GPN3: variants seen among roughly 807,000 people sequenced by gnomAD.
GPN3 encodes ATP-binding domain 1 family member C.
Under a neutral mutation model 38.7 loss-of-function variants are expected in GPN3, and 31 were observed. The observed-to-expected ratio is 0.80, with a 90% CI of 0.60 to 1.08. GPN3 has a LOEUF of 1.08. Among genes scored for constraint, GPN3 ranks in the 50% least tolerant of loss-of-function variants. The pLI is 0.00. For synonymous variants in GPN3, 116 were observed against 120.2 expected, an observed-to-expected ratio of 0.96 and a Z score of 0.23; for missense variants, 301 against 354.4, an observed-to-expected ratio of 0.85 and a Z score of 1.21.
chr12:110,461,112 C>G (rs769217797), intron 2 of GPN3: 108 of 1,355,028 alleles, frequency 8.0e-5, no homozygotes, highest in Non-Finnish European at 1.1e-4. Context: ...AAGAAGCGTG[C>G]CCCTCAGGCA....
At chr12:110,459,583 G>T in intron 3 of GPN3, 112 bp downstream of exon 3, 4 of 770,000 alleles carry the variant, frequency 5.2e-6, no homozygotes, top group Non-Finnish European at 8.9e-6. Context: ...AATAAGCTTG[G>T]TACTTTACTG....
At chr12:110,464,577 GAAGTGTCCATTTACTTTTT>G (rs1291090478) in intron 2 of GPN3, among the ~76,000 whole-genome samples, 6 of 151,382 alleles carry the variant, frequency 4.0e-5, no homozygotes, top group African/African-American at 7.3e-5. Context: ...GGTGCTGAGG[GAAGTGTCCATTTACTTTTT>G]TTTTTTTTTT....
At position 110,459,754 on chromosome 12, in the gene GPN3, T is replaced by A; in HGVS notation, c.266A>T (p.Asp89Val). 3.1e-6 allele frequency: 5 copies of A among 1,613,076 alleles called. No individual in the cohort carries two copies. The highest frequency in any genetic ancestry group is 4.2e-6 in the Non-Finnish European group (5 of 1,179,026). Residue 89 changes from aspartate (D) to valine (V), a missense_variant, in exon 3 of 8, where the codon GAC becomes GTC. By Grantham distance (152) the Asp-to-Val change is radical. Coordinates refer to ENST00000228827, the MANE Select transcript of GPN3 (RefSeq NM_016301.4). ...FCMEYFANNF[D>V]WLENCLGHVE... ...ATGGCCAAGACAGTTCTCCAGCCAG[T>A]CAAAATTATTGGCAAAGTACTCCAT...
At chr12:110,456,952 C>T (rs1454023695) in intron 4 of GPN3, among the ~76,000 whole-genome samples, 2 of 152,038 alleles carry the variant, frequency 1.3e-5, no homozygotes, top group Non-Finnish European at 2.9e-5. Flanking sequence ...CCTGCCTTGG[C>T]CTCCCAAAGT....
At chr12:110,459,243 T>G (rs1231825086) in intron 3 of GPN3, among the ~76,000 whole-genome samples, 1 of 151,710 alleles carries the variant, frequency 6.6e-6, no homozygotes, top group African/African-American at 2.4e-5. Context: ...TTTTTTTGTT[T>G]TTTTTTTTTG....
chr12:110,461,293 A>G (rs1341523729), intron 2 of GPN3: 2 of 1,287,490 alleles, frequency 1.6e-6, no homozygotes, highest in Non-Finnish European at 2.2e-6. Flanking sequence ...CAAATAAGCC[A>G]TATACTTTGG....
upstream of GPN3, chr12:110,468,522 T>C: frequency 6.5e-7 from 1 of 1,537,274 alleles, no homozygotes; most frequent in Non-Finnish European, 8.7e-7. Context: ...CGCCACGTGC[T>C]TCGGTCCGTG....
upstream of GPN3, chr12:110,468,649 C>T (rs1478593731): frequency 1.3e-6 from 2 of 1,537,168 alleles, no homozygotes; most frequent in African/African-American, 1.4e-5. Flanking sequence ...ATATTTCCCT[C>T]CTGTGACGCA....
chr12:110,457,763 T>A, intron 3 of GPN3, 129 bp from the exon 4 acceptor site: 1 of 538,348 alleles, frequency 1.9e-6, no homozygotes, highest in South Asian at 3.0e-5. Flanking sequence ...GCCCACAGCC[T>A]CTCAAAGCAA....
At chr12:110,455,971 G>A in intron 4 of GPN3, 41 bp from the exon 5 acceptor site, 2 of 1,027,998 alleles carry the variant, frequency 1.9e-6, no homozygotes. Context: ...ACTGACTGTT[G>A]CCAACAGTTA....
rs2062521557 is a variant in GPN3 at position 110,452,834 on chromosome 12, A to G, written c.*200T>C. 3.7e-6 allele frequency: 2 copies of G among 533,760 alleles called. No homozygotes were observed. The highest frequency in any genetic ancestry group is 6.7e-6 in the Non-Finnish European group (2 of 298,314). 33.1% of individuals were successfully genotyped at this position (533,760 alleles called of 1,614,324 possible). ...TTACAAAATCTAAAGTGATGCTGTT[A>G]TAATACTAAAAGATTCCACTTTAAA... On this transcript the variant is annotated 3_prime_UTR_variant, in exon 8 of 8. Coordinates refer to ENST00000228827, the MANE Select transcript of GPN3 (RefSeq NM_016301.4).
chr12:110,459,805 C>T lies in GPN3; in HGVS notation c.215G>A (p.Gly72Asp), dbSNP rs755202075. 5.0e-6 allele frequency: 8 copies of T among 1,613,562 alleles called. No homozygotes were observed. The highest frequency in any genetic ancestry group is 6.8e-6 in the Non-Finnish European group (8 of 1,179,586). Reference sequence around the variant, plus strand: ...GCAAAATACCAATCCTCCGTTGGGACCGAATCGCAGAGAATCATCCTCCAT... The same window carrying T: ...GCAAAATACCAATCCTCCGTTGGGATCGAATCGCAGAGAATCATCCTCCAT... Reference protein sequence around the residue: ...DVMEDDSLRFGPNGGLVFCME... With the variant: ...DVMEDDSLRFDPNGGLVFCME... The change falls in exon 3 of 8, where the codon GGT (glycine) becomes GAT (aspartate). Residue 72 changes from glycine to aspartate, a missense_variant. Gly to Asp is a moderately conservative substitution (Grantham distance 94). Transcript: ENST00000228827.
At chr12:110,461,214 G>A in intron 2 of GPN3, 2 of 1,278,166 alleles carry the variant, frequency 1.6e-6, no homozygotes, top group African/African-American at 1.5e-5. Context: ...TGGGCCAAAG[G>A]AATAAGGAAT....
chr12:110,456,033 A>C (rs1053296038), intron 4 of GPN3, 103 bp from the exon 5 acceptor site: 1 of 659,110 alleles, frequency 1.5e-6, no homozygotes. Flanking sequence ...AACTGGCCTA[A>C]ATAAAAGAAA....
intron 7 of GPN3, 40 bp from the exon 8 acceptor site, chr12:110,453,136 TC>T (rs1203880463): frequency 3.1e-6 from 3 of 965,052 alleles, no homozygotes; most frequent in Non-Finnish European, 5.0e-6. Flanking sequence ...TATATTCATT[TC>T]CCCTCAGTCA....
intron 2 of GPN3, chr12:110,464,779 G>A (rs1368040540): frequency 3.9e-6 from 1 of 254,288 alleles, no homozygotes; most frequent in Admixed American, 4.7e-5. Context: ...GTTTTTAGTA[G>A]AGACAGGGTT....
chr12:110,465,185 G>A lies in GPN3; in HGVS notation c.78C>T (p.His26=). Residue 26 remains histidine, a synonymous_variant, in exon 2 of 8, where the codon CAC becomes CAT. Coordinates refer to ENST00000228827, the MANE Select transcript of GPN3 (RefSeq NM_016301.4). ...GGACAGACCGGTTGAGGGCTTCACA[G>A]TGCTGGACCATGGTGGCACAGTAGG... ...KSTYCATMVQ[H]CEALNRSVQV... is the part of the protein sequence containing the mutation. 5 of 1,610,296 alleles carry A rather than the reference G, an allele frequency of 3.1e-6. No individual in the cohort carries two copies. Among genetic ancestry groups the A allele is most frequent in the Non-Finnish European group, 4.3e-6 (5 of 1,176,426 alleles).
chr12:110,465,064 T>TA, intron 2 of GPN3, 42 bp downstream of exon 2: 1 of 1,008,732 alleles, frequency 9.9e-7, no homozygotes, highest in African/African-American at 1.6e-5. Flanking sequence ...CCCCAGCCCT[T>TA]ACTGTTCCTG....
At chr12:110,466,490 TACATC>T (rs1483389595) in intron 1 of GPN3, among the ~76,000 whole-genome samples, 1 of 152,032 alleles carries the variant, frequency 6.6e-6, no homozygotes, top group Non-Finnish European at 1.5e-5. Context: ...GCCCTCTCCA[TACATC>T]ACACACTGTA....
Sources: gnomAD v4.1 joint callset for allele counts (sites outside exome capture counted in the v4.1 genomes callset) on GRCh38, gnomAD v4.1.1 for gene constraint, MANE v1.5 for transcripts, NCBI Gene and HGNC (gene_info 2026-07-23, HGNC 2026-07-21) for gene names.